Variants in CUX2 observed in about 807,000 individuals in gnomAD.
The protein encoded by CUX2 is homeobox protein cut-like 2.
In CUX2, 40 loss-of-function variants were observed where a neutral mutation model predicts 144.8. The ratio of observed to expected loss-of-function variants is 0.28; its 90% CI spans 0.21 to 0.36. CUX2 has a LOEUF of 0.36. Among genes scored for constraint, CUX2 ranks in the 10% least tolerant of loss-of-function variants. CUX2 has a pLI of 1.00. For synonymous variants in CUX2, 827 were observed against 875.6 expected (o/e 0.94, Z 0.98); for missense variants, 1,615 against 1,994.0 (o/e 0.81, Z 3.62).
chr12:111,338,187 G>A (rs1465230483), intron 19 of CUX2, 99 bp from the exon 20 acceptor site: 1 of 1,297,466 alleles, frequency 7.7e-7, no homozygotes, highest in Non-Finnish European at 1.0e-6. Context: ...ATAGCCTCGA[G>A]GCTCTCCCCT....
rs550552105 is a variant in CUX2, at chr12:111,255,062, C to T, written c.223-8699C>T. On this transcript the variant is annotated intron_variant, in intron 3 of 21. Coordinates refer to ENST00000261726, the MANE Select transcript of CUX2 (RefSeq NM_015267.4). This position sits in a 1 kb window ranked among gnomAD's most constrained non-coding sequence, Gnocchi z 4.1. ...ATGTTGGCCAGGCTGGTCTCGAACTCCTGACCACAGATGATCCCTCCGCCT... is the reference window on the plus strand; with the variant it reads ...ATGTTGGCCAGGCTGGTCTCGAACTTCTGACCACAGATGATCCCTCCGCCT... Among the ~76,000 whole-genome samples, 1 of 152,196 alleles carries T rather than the reference C, an allele frequency of 6.6e-6. No individual in the cohort carries two copies. The highest frequency in any genetic ancestry group is 6.5e-5 in the Admixed American group (1 of 15,280).
In CUX2 at chr12:111,310,151, C is replaced by T; in HGVS notation, c.1369C>T (p.Pro457Ser). 1.3e-6 allele frequency: 2 copies of T among 1,546,304 alleles called. No individual in the cohort carries two copies. Among genetic ancestry groups the T allele is most frequent in the Non-Finnish European group, 1.7e-6 (2 of 1,147,690 alleles). ...ACCAGGGCCAGAAGACCCCCTGTCT[C>T]CCAGCCCCGGGCAGCCCCTGCTGGG... is the stretch of plus-strand genomic sequence containing the variant. ...PPPGPEDPLSPSPGQPLLGPS... is the reference protein window; with the variant it reads ...PPPGPEDPLSSSPGQPLLGPS... Residue 457 changes from proline (P) to serine (S), a missense_variant, in exon 15 of 22, where the codon CCC becomes TCC. Pro to Ser is a moderately conservative substitution (Grantham distance 74). This residue lies in a region of CUX2 where 154 missense variants were observed against 148.4 expected (regional missense o/e 1.04). Transcript: ENST00000261726. The surrounding 1 kb of genome is among the most constrained non-coding windows in gnomAD (Gnocchi z 7.9).
intron 1 of CUX2, among the ~76,000 whole-genome samples, chr12:111,117,981 C>T (rs940281389): frequency 6.6e-6 from 1 of 152,192 alleles, no homozygotes; most frequent in Non-Finnish European, 1.5e-5. Flanking sequence ...GTCCTAGTTC[C>T]TTTGCCTTAC....
chr12:111,133,906 T>A (rs1247287066), intron 1 of CUX2, among the ~76,000 whole-genome samples: 1 of 152,142 alleles, frequency 6.6e-6, no homozygotes, highest in Non-Finnish European at 1.5e-5. Flanking sequence ...TGTGCCCAGC[T>A]TCACCAGGGT....
At chr12:111,141,511 A>G (rs1876316439) in intron 1 of CUX2, among the ~76,000 whole-genome samples, 1 of 152,186 alleles carries the variant, frequency 6.6e-6, no homozygotes, top group Non-Finnish European at 1.5e-5. Flanking sequence ...CTAAGTATCT[A>G]AGCACCTAAG....
chr12:111,317,738 G>A (rs955074478), intron 16 of CUX2, among the ~76,000 whole-genome samples: 5 of 152,176 alleles, frequency 3.3e-5, no homozygotes, highest in Non-Finnish European at 2.9e-5. Flanking sequence ...GCTCACACCT[G>A]TAATCCTAGC....
At chr12:111,335,999 G>A (rs558862541) in intron 19 of CUX2, among the ~76,000 whole-genome samples, 1 of 152,184 alleles carries the variant, frequency 6.6e-6, no homozygotes, top group Non-Finnish European at 1.5e-5. Flanking sequence ...AGGACCCTGT[G>A]TGAGGCATCT....
At chr12:111,184,304 G>T (rs960350321) in intron 1 of CUX2, among the ~76,000 whole-genome samples, 1 of 152,114 alleles carries the variant, frequency 6.6e-6, no homozygotes, top group Non-Finnish European at 1.5e-5. Flanking sequence ...ATGAGTCGGG[G>T]ATTGGAAGTA....
At chr12:111,300,659 C>T (rs1886245487) in intron 9 of CUX2, among the ~76,000 whole-genome samples, 1 of 152,094 alleles carries the variant, frequency 6.6e-6, no homozygotes. Flanking sequence ...GTCTCTGACA[C>T]AGATTTTCAA....
At chr12:111,142,255 A>T (rs933465393) in intron 1 of CUX2, among the ~76,000 whole-genome samples, 1 of 152,170 alleles carries the variant, frequency 6.6e-6, no homozygotes, top group Non-Finnish European at 1.5e-5. Context: ...AATAAAAGGG[A>T]TGTATTTATA....
At chr12:111,220,101 G>A (rs956518459) in intron 3 of CUX2, among the ~76,000 whole-genome samples, 4 of 150,970 alleles carry the variant, frequency 2.6e-5, no homozygotes, top group South Asian at 2.1e-4. Flanking sequence ...CCAAGATCAC[G>A]CCACTGCATT....
At chr12:111,087,097 C>T (rs1451846313) in intron 1 of CUX2, among the ~76,000 whole-genome samples, 1 of 152,174 alleles carries the variant, frequency 6.6e-6, no homozygotes, top group Non-Finnish European at 1.5e-5. Flanking sequence ...CAGTGGCTCA[C>T]ACCTGCAAGC....
At chr12:111,208,707 G>A (rs1188057369) in intron 1 of CUX2, among the ~76,000 whole-genome samples, 1 of 152,200 alleles carries the variant, frequency 6.6e-6, no homozygotes, top group Non-Finnish European at 1.5e-5. Context: ...TAAGCATTCA[G>A]TAGAGCCAGT....
At chr12:111,103,768 G>A (rs1873415749) in intron 1 of CUX2, among the ~76,000 whole-genome samples, 1 of 152,320 alleles carries the variant, frequency 6.6e-6, no homozygotes, top group Middle Eastern at 3.4e-3. Context: ...ACGGTCAGGT[G>A]TCTGCCTTCA....
chr12:111,085,105 T>G (rs2136047180), intron 1 of CUX2, among the ~76,000 whole-genome samples: 1 of 152,072 alleles, frequency 6.6e-6, no homozygotes, highest in Non-Finnish European at 1.5e-5. Flanking sequence ...AAAAAATAAA[T>G]GAACATCATG....
At chr12:111,095,545 G>A (rs1872769345) in intron 1 of CUX2, among the ~76,000 whole-genome samples, 1 of 151,968 alleles carries the variant, frequency 6.6e-6, no homozygotes, top group South Asian at 2.1e-4. Context: ...CAAGTGGTCT[G>A]CCTTCTCTGA....
intron 4 of CUX2, among the ~76,000 whole-genome samples, chr12:111,284,509 C>T (rs951995847): frequency 7.2e-5 from 11 of 152,194 alleles, no homozygotes; most frequent in Non-Finnish European, 1.3e-4. Context: ...TTACTGAGCA[C>T]TTAGGTGTAC....
In CUX2 at chr12:111,307,070, C is replaced by T. The variant is rs945256511; in HGVS notation, c.1008C>T (p.Ala336=). ...ELEEASANQI[A]DLERQLTAKS... ...AGGAGGCATCCGCCAACCAGATCGC[C>T]GACCTGGAGCGGCAGCTCACGGCCA... The change falls in exon 11 of 22, where the codon GCC becomes GCT. Residue 336 remains alanine (A), a synonymous_variant. Transcript: ENST00000261726. This position sits in a 1 kb window ranked among gnomAD's most constrained non-coding sequence, Gnocchi z 4.1. The T allele has an allele frequency of 1.4e-5, 22 of 1,613,084 alleles. No individual in the cohort carries two copies. Among genetic ancestry groups the T allele is most frequent in the South Asian group, 8.8e-5 (8 of 91,062 alleles).
At chr12:111,098,586 A>G (rs1181321908) in intron 1 of CUX2, among the ~76,000 whole-genome samples, 1 of 152,166 alleles carries the variant, frequency 6.6e-6, no homozygotes, top group Non-Finnish European at 1.5e-5. Context: ...TCCATCCCAC[A>G]TCTTGACGCT....
Sources: gnomAD v4.1 joint callset for allele counts (sites outside exome capture counted in the v4.1 genomes callset) on GRCh38, gnomAD v4.1.1 for gene constraint, gnomAD v4.1.1 regional missense constraint, Gnocchi (gnomAD v3.1) non-coding constraint, MANE v1.5 for transcripts, NCBI Gene and HGNC (gene_info 2026-07-23, HGNC 2026-07-21) for gene names.